The following BAZ2B variants were observed in gnomAD, a reference collection of about 807,000 sequenced individuals.
BAZ2B encodes bromodomain adjacent to zinc finger domain protein 2B.
BAZ2B carries 91 observed loss-of-function variants against 246.0 expected under a neutral mutation model. That is an observed-to-expected ratio of 0.37 (90% CI 0.31 to 0.44). BAZ2B has a LOEUF of 0.44. Ranked by LOEUF, BAZ2B falls within the 20% of genes least tolerant of loss-of-function variation. The pLI is 1.00. For synonymous variants in BAZ2B, 855 were observed against 860.0 expected (o/e 0.99, Z 0.10); for missense variants, 2,332 against 2,533.7 (o/e 0.92, Z 1.71).
At chr2:159,468,122 A>T (rs2077315107) in intron 3 of BAZ2B, among the ~76,000 whole-genome samples, 1 of 152,228 alleles carries the variant, frequency 6.6e-6, no homozygotes, top group Non-Finnish European at 1.5e-5. Flanking sequence ...ACTAGCTGGC[A>T]GAGAATGAAG....
At chr2:159,673,382 AATAGGAAC>A in the BAZ2B span, among the ~76,000 whole-genome samples, 4 of 152,328 alleles carry the variant, frequency 2.6e-5, no homozygotes, top group South Asian at 8.3e-4. Context: ...GCTGTGAGGA[AATAGGAAC>A]TTAACCATTG....
At chr2:159,689,066 C>G in the BAZ2B span, among the ~76,000 whole-genome samples, 7 of 152,260 alleles carry the variant, frequency 4.6e-5, no homozygotes, top group Middle Eastern at 3.4e-3. Context: ...CAACTCTTCA[C>G]AAAATACCGT....
chr2:159,395,570 C>T, intron 20 of BAZ2B, 199 bp downstream of exon 20: 1 of 410,818 alleles, frequency 2.4e-6, no homozygotes, highest in Non-Finnish European at 4.4e-6. Context: ...GCCAGGAAAA[C>T]TAACACATAC....
the BAZ2B span, among the ~76,000 whole-genome samples, chr2:159,622,526 A>G: frequency 6.6e-6 from 1 of 152,296 alleles, no homozygotes; most frequent in African/African-American, 2.4e-5. Flanking sequence ...ACTACATAAA[A>G]TAGCTTTTCT....
the BAZ2B span, among the ~76,000 whole-genome samples, chr2:159,663,623 G>A: frequency 2.4e-3 from 356 of 150,644 alleles, 1 homozygote; most frequent in Admixed American, 5.6e-3. Context: ...GGGTTCAAGC[G>A]ATTCTCCTGC....
intron 3 of BAZ2B, among the ~76,000 whole-genome samples, chr2:159,472,607 T>C (rs2150821042): frequency 6.6e-6 from 1 of 152,358 alleles, no homozygotes; most frequent in East Asian, 1.9e-4. Flanking sequence ...TTCAGTATGA[T>C]ATTGGCTGTG....
intron 2 of BAZ2B, among the ~76,000 whole-genome samples, chr2:159,546,155 G>A (rs1386619239): frequency 6.6e-6 from 1 of 152,000 alleles, no homozygotes; most frequent in African/African-American, 2.4e-5. Flanking sequence ...GTTTGGCTGC[G>A]TCCCTGTCCA....
intron 2 of BAZ2B, among the ~76,000 whole-genome samples, chr2:159,519,411 T>C (rs1260721976): frequency 6.8e-6 from 1 of 146,878 alleles, no homozygotes; most frequent in Non-Finnish European, 1.5e-5. Context: ...TTGTATTTTT[T>C]AGTAGAGACG....
chr2:159,556,521 C>T (rs542718367), intron 1 of BAZ2B, among the ~76,000 whole-genome samples: 4 of 151,896 alleles, frequency 2.6e-5, no homozygotes, highest in East Asian at 3.9e-4. Context: ...AGTGCAGTGG[C>T]GCGATCGTGG....
rs73008649 is a variant in BAZ2B at position 159,536,664 on chromosome 2, C to T, written c.-3+19159G>A. Among the ~76,000 whole-genome samples, 454 of 152,228 alleles carry T rather than the reference C, an allele frequency of 3.0e-3. 1 individual carries two copies. Among genetic ancestry groups the T allele is most frequent in the African/African-American group, 0.01 (424 of 41,538 alleles). On this transcript the variant is annotated intron_variant, in intron 2 of 36. Coordinates refer to ENST00000392783, the MANE Select transcript of BAZ2B (RefSeq NM_013450.4). ...AAAGCCAATGAAGGAAGAAGATCTT[C>T]GCTAAATTCTTCAGTTGCGTGTAAC...
intron 2 of BAZ2B, among the ~76,000 whole-genome samples, 200 bp from the exon 3 acceptor site, chr2:159,478,921 C>T (rs2078937822): frequency 6.6e-6 from 1 of 151,828 alleles, no homozygotes; most frequent in Non-Finnish European, 1.5e-5. Context: ...TATACCAAAT[C>T]CTCTTGAGTT....
chr2:159,557,819 T>C (rs1056432241), intron 1 of BAZ2B, among the ~76,000 whole-genome samples: 1 of 152,058 alleles, frequency 6.6e-6, no homozygotes, highest in Non-Finnish European at 1.5e-5. Flanking sequence ...AAAGAAAGTT[T>C]AAATAAAAAC....
chr2:159,521,325 CAAA>C (rs2084106297), intron 2 of BAZ2B, among the ~76,000 whole-genome samples: 1 of 151,878 alleles, frequency 6.6e-6, no homozygotes, highest in Non-Finnish European at 1.5e-5. Flanking sequence ...AATTTAACAA[CAAA>C]AGAATATTAT....
At chr2:159,408,969 G>A (rs1338384260) in intron 14 of BAZ2B, among the ~76,000 whole-genome samples, 1 of 150,632 alleles carries the variant, frequency 6.6e-6, no homozygotes, top group Non-Finnish European at 1.5e-5. Context: ...ATACAGAGGA[G>A]AGAGAATGAG....
At chr2:159,353,068 C>T (rs1423101691) in intron 27 of BAZ2B, among the ~76,000 whole-genome samples, 1 of 152,204 alleles carries the variant, frequency 6.6e-6, no homozygotes, top group Non-Finnish European at 1.5e-5. Context: ...CCTTAGAGAA[C>T]TTTCCAAAAC....
In BAZ2B at chr2:159,319,561, A is replaced by G. The variant is rs1171103663; in HGVS notation, c.*704T>C. Reference sequence around the variant, plus strand: ...CATATTTAAAACAAGACTTAATATAAACAAGAATGAACAGTATATACATGT... The same window carrying G: ...CATATTTAAAACAAGACTTAATATAGACAAGAATGAACAGTATATACATGT... On this transcript the variant is annotated 3_prime_UTR_variant, in exon 37 of 37. Coordinates refer to ENST00000392783, the MANE Select transcript of BAZ2B (RefSeq NM_013450.4). The surrounding 1 kb of genome is among the most constrained non-coding windows in gnomAD (Gnocchi z 4.0). 6.6e-6 allele frequency: 1 copy of G among 152,638 alleles called. No individual in the cohort carries two copies. The allele number at this position is 152,638 out of a possible 1,614,324, so 9.5% of individuals were successfully genotyped here.
At chr2:159,622,744 G>A in the BAZ2B span, among the ~76,000 whole-genome samples, 1 of 152,108 alleles carries the variant, frequency 6.6e-6, no homozygotes, top group African/African-American at 2.4e-5. Context: ...CAGGCACAGT[G>A]GCTCATGCCT....
intron 23 of BAZ2B, 81 bp from the exon 24 acceptor site, chr2:159,383,761 A>G: frequency 8.2e-7 from 1 of 1,213,250 alleles, no homozygotes; most frequent in Non-Finnish European, 1.2e-6. Context: ...TAAACTTGAT[A>G]CGTAAATTAA....
At chr2:159,652,580 G>A in the BAZ2B span, among the ~76,000 whole-genome samples, 8 of 151,930 alleles carry the variant, frequency 5.3e-5, no homozygotes, top group African/African-American at 1.5e-4. Context: ...TCTGATTTGC[G>A]TTTCCCTATA....
Sources: gnomAD v4.1 joint callset for allele counts (sites outside exome capture counted in the v4.1 genomes callset) on GRCh38, gnomAD v4.1.1 for gene constraint, Gnocchi (gnomAD v3.1) non-coding constraint, MANE v1.5 for transcripts, NCBI Gene and HGNC (gene_info 2026-07-23, HGNC 2026-07-21) for gene names.